THOC5: variants seen among roughly 807,000 people sequenced by gnomAD.
The protein encoded by THOC5 is Fms-interacting protein.
In THOC5, 43 loss-of-function variants were observed where a neutral mutation model predicts 92.9. That is an observed-to-expected ratio of 0.46 (90% CI 0.36 to 0.60). The LOEUF (loss-of-function observed/expected upper bound fraction) is 0.60, where lower values mean the gene tolerates loss of function less well. Ranked by LOEUF, THOC5 falls within the 20% of genes least tolerant of loss-of-function variation. THOC5 has a pLI of 0.00. For missense variants in THOC5, 659 were observed against 849.4 expected (o/e 0.78, Z 2.79); for synonymous variants, 296 against 320.1 (o/e 0.92, Z 0.80).
intron 8 of THOC5, chr22:29,531,216 A>G: frequency 9.5e-7 from 1 of 1,057,312 alleles, no homozygotes; most frequent in Admixed American, 5.5e-5. Context: ...TGGGAGGAGA[A>G]GCAAGCACTG....
In THOC5 at chr22:29,513,730, G is replaced by C. The variant is rs138677964; in HGVS notation, c.1682-1594C>G. Among the ~76,000 whole-genome samples the C allele has an allele frequency of 4.7e-3, 717 of 152,108 alleles. 9 individuals are homozygous for C. Among genetic ancestry groups the C allele is most frequent in the African/African-American group, 0.017 (686 of 41,510 alleles). The stretch of plus-strand genomic sequence containing the variant: ...AAGTGCTTTCTGGCCAGGCGTCGTG[G>C]CTCACGCCTGTAATCCCAGCACAAT... On this transcript the variant is annotated intron_variant, in intron 17 of 19. Coordinates refer to ENST00000490103, the MANE Select transcript of THOC5 (RefSeq NM_003678.5).
At chr22:29,521,945 TA>T (rs1405228850) in intron 12 of THOC5, among the ~76,000 whole-genome samples, 151 of 152,234 alleles carry the variant, frequency 9.9e-4, no homozygotes, top group African/African-American at 3.3e-3. Flanking sequence ...AACTCCATGC[TA>T]GGACAGTGGA....
At chr22:29,540,126 G>T (rs1051435985) in intron 5 of THOC5, among the ~76,000 whole-genome samples, 4 of 152,140 alleles carry the variant, frequency 2.6e-5, no homozygotes, top group Admixed American at 1.3e-4. Flanking sequence ...CTAAAAATTA[G>T]CTGGGCGTGG....
chr22:29,517,029 C>T lies in THOC5; in HGVS notation c.1681G>A (p.Ala561Thr), dbSNP rs1174521957. ...YYMALIERGT[A>T]KLQAAVVLNP... ...CCCCTGTAATCAGCAGAGCAATTAC[C>T]TGTGCCCCTTTCGATGAGCGCCATG... is the stretch of plus-strand genomic sequence containing the variant. Residue 561 changes from alanine to threonine, a missense_variant and splice_region_variant, in exon 17 of 20, where the codon GCC becomes ACC. Ala to Thr is a moderately conservative substitution (Grantham distance 58, BLOSUM62 0). Coordinates refer to ENST00000490103, the MANE Select transcript of THOC5 (RefSeq NM_003678.5). The T allele has an allele frequency of 6.2e-7, 1 of 1,614,072 alleles. No individual in the cohort carries two copies. The highest frequency in any genetic ancestry group is 2.2e-5 in the East Asian group (1 of 44,882).
rs1291717446 is a variant in THOC5, at chr22:29,536,518, A to C, written c.714+106T>G. 1.0e-5 allele frequency: 7 copies of C among 693,596 alleles called. No homozygotes were observed. In the East Asian group the frequency reaches 1.8e-4, roughly 18 times the overall value. 43.0% of individuals were successfully genotyped at this position (693,596 alleles called of 1,614,324 possible). A position where few individuals can be genotyped will look rare whatever the true frequency, so the allele number is the denominator to read the frequency against. ...ATGCAGACAAGGCCATCCTTATACT[A>C]TACTCTAATTTAGGGTAATAGACCT... On this transcript the variant is annotated intron_variant, in intron 7 of 19. Coordinates refer to ENST00000490103, the MANE Select transcript of THOC5 (RefSeq NM_003678.5).
chr22:29,541,274 C>A (rs1054696585), intron 5 of THOC5, among the ~76,000 whole-genome samples: 2 of 151,872 alleles, frequency 1.3e-5, no homozygotes, highest in Non-Finnish European at 2.9e-5. Context: ...TTTTGGGAGG[C>A]CAAGGCAGGT....
chr22:29,536,421 A>G (rs2063761061), intron 7 of THOC5: 1 of 532,378 alleles, frequency 1.9e-6, no homozygotes, highest in South Asian at 2.9e-5. Flanking sequence ...ACCCAGGTCA[A>G]TGTGTGTATA....
At chr22:29,522,445 T>G (rs529627775) in intron 12 of THOC5, among the ~76,000 whole-genome samples, 2 of 152,186 alleles carry the variant, frequency 1.3e-5, no homozygotes, top group East Asian at 3.9e-4. Context: ...TACTAATAGA[T>G]TGATTCAATC....
intron 5 of THOC5, among the ~76,000 whole-genome samples, chr22:29,541,874 AAAAAAAAAAAAAAAAAAAAATATATATAT>A (rs2063897257): frequency 1.1e-5 from 1 of 93,376 alleles, no homozygotes; most frequent in Non-Finnish European, 2.1e-5. Flanking sequence ...AAAAAAAAAA[AAAAAAAAAAAAAAAAAAAAATATATATAT>A]ATATATATAT....
chr22:29,518,435 A>G (rs989558894), intron 15 of THOC5, among the ~76,000 whole-genome samples: 2 of 152,156 alleles, frequency 1.3e-5, no homozygotes, highest in Admixed American at 6.6e-5. Context: ...GAAGCCCCCA[A>G]ATGCCACCAC....
At chr22:29,513,322 A>G (rs972451954) in intron 17 of THOC5, among the ~76,000 whole-genome samples, 1 of 149,320 alleles carries the variant, frequency 6.7e-6, no homozygotes, top group Non-Finnish European at 1.5e-5. Flanking sequence ...GTGCCACTGC[A>G]CTCCAGCCTG....
At chr22:29,538,816 A>T (rs2146532352) in intron 6 of THOC5, among the ~76,000 whole-genome samples, 1 of 149,400 alleles carries the variant, frequency 6.7e-6, no homozygotes, top group Non-Finnish European at 1.5e-5. Context: ...AAAAAAAAAA[A>T]AAAAAAAAAA....
Position 29,539,387 on chromosome 22 carries a change from C to T in THOC5, c.542G>A (p.Gly181Glu). 6.2e-7 allele frequency: 1 copy of T among 1,614,014 alleles called. No homozygotes were observed. Among genetic ancestry groups the T allele is most frequent in the Non-Finnish European group, 8.5e-7 (1 of 1,179,938 alleles). ...PDISKAEVTM[G>E]DPHQQTLARL... ...TGCCAGTGTTTGCTGGTGAGGGTCT[C>T]CCATGGTGACTTCGGCCTTGCTGAT... is the stretch of plus-strand genomic sequence containing the variant. The change falls in exon 6 of 20, where the codon GGA becomes GAA. Residue 181 changes from glycine to glutamate, a missense_variant. Gly to Glu is a moderately conservative substitution (Grantham distance 98). Transcript: ENST00000490103.
In THOC5 at chr22:29,511,313, C is replaced by T. The variant is rs1328691876; in HGVS notation, c.1798-17G>A. On this transcript the variant is annotated splice_polypyrimidine_tract_variant and intron_variant, in intron 18 of 19. Transcript: ENST00000490103. ...CTCCATGGCCTGTGTGATAGGAAAGCCAGCATCTCAGCACTACCTTCCTGC... is the reference window on the plus strand; with the variant it reads ...CTCCATGGCCTGTGTGATAGGAAAGTCAGCATCTCAGCACTACCTTCCTGC... 1.2e-6 allele frequency: 2 copies of T among 1,603,698 alleles called. No homozygotes were observed. Among genetic ancestry groups the T allele is most frequent in the East Asian group, 4.5e-5 (2 of 44,744 alleles).
At chr22:29,549,269 C>T in intron 1 of THOC5, 111 bp from the exon 2 acceptor site, 1 of 831,822 alleles carries the variant, frequency 1.2e-6, no homozygotes, top group Non-Finnish European at 2.0e-6. Flanking sequence ...CATTTAACCC[C>T]TCAAAGCCTC....
chr22:29,508,827 T>C (rs951539203), intron 19 of THOC5, among the ~76,000 whole-genome samples: 6 of 151,966 alleles, frequency 3.9e-5, no homozygotes, highest in Middle Eastern at 3.2e-3. Flanking sequence ...AGACGGAGTC[T>C]CTGTGTCGCC....
At position 29,513,382 on chromosome 22, in the gene THOC5, A is replaced by G. The variant is rs369411251; in HGVS notation, c.1682-1246T>C. On this transcript the variant is annotated intron_variant, in intron 17 of 19. Coordinates refer to ENST00000490103, the MANE Select transcript of THOC5 (RefSeq NM_003678.5). Reference sequence around the variant, plus strand: ...AAAAAAAAAAAAAAAAAGTTGCTTTACCTCCCCCTGTCCCCAAAAAAGAGT... The same window carrying G: ...AAAAAAAAAAAAAAAAAGTTGCTTTGCCTCCCCCTGTCCCCAAAAAAGAGT... Among the ~76,000 whole-genome samples the G allele has an allele frequency of 9.7e-5, 13 of 134,568 alleles. No homozygotes were observed. In the East Asian group the frequency reaches 2.0e-3, roughly 21 times the overall value. The allele number at this position is 134,568 out of a possible 152,430, so 88.3% of individuals were successfully genotyped here.
intron 19 of THOC5, 68 bp downstream of exon 19, chr22:29,511,038 A>G: frequency 6.5e-7 from 1 of 1,528,992 alleles, no homozygotes; most frequent in East Asian, 2.3e-5. Flanking sequence ...CTCTCCCCAG[A>G]AAATCTGGCT....
intron 17 of THOC5, among the ~76,000 whole-genome samples, chr22:29,514,997 GC>G (rs1444352295): frequency 2.0e-5 from 3 of 151,086 alleles, no homozygotes; most frequent in Non-Finnish European, 4.4e-5. Context: ...GGGCCACCAT[GC>G]CCAGCCCATA....
Sources: gnomAD v4.1 joint callset for allele counts (sites outside exome capture counted in the v4.1 genomes callset) on GRCh38, gnomAD v4.1.1 for gene constraint, MANE v1.5 for transcripts, NCBI Gene and HGNC (gene_info 2026-07-23, HGNC 2026-07-21) for gene names.